Variants in KIF1A observed in about 807,000 individuals in gnomAD.
KIF1A encodes kinesin family member 1A, also known as kinesin-like protein KIF1A.
Under a neutral mutation model 227.3 loss-of-function variants are expected in KIF1A, and 46 were observed. That is an observed-to-expected ratio of 0.20 (90% confidence interval 0.16 to 0.26). The LOEUF (loss-of-function observed/expected upper bound fraction) is 0.26, where lower values mean the gene tolerates loss of function less well. Among genes scored for constraint, KIF1A ranks in the 10% least tolerant of loss-of-function variants. The pLI, the probability that KIF1A is intolerant of heterozygous loss-of-function variation, is 1.00. For missense variants in KIF1A, 1,683 were observed against 2,485.9 expected, an observed-to-expected ratio of 0.68 and a Z score of 6.87; for synonymous variants, 1,022 against 1,012.8, an observed-to-expected ratio of 1.01 and a Z score of -0.17.
rs2055228834 is a variant in KIF1A, at chr2:240,788,519, A to C, written c.184-289T>G. On this transcript the variant is annotated intron_variant, in intron 3 of 48. Coordinates refer to ENST00000498729, the MANE Select transcript of KIF1A (RefSeq NM_001244008.2). The surrounding 1 kb of genome is among the most constrained non-coding windows in gnomAD (Gnocchi z 6.6). The stretch of plus-strand genomic sequence containing the variant: ...GCCCAGAGGTGAGACCTCAAAGCCA[A>C]AGTAAGTTCCATGTGACCGTGACAA... Among the ~76,000 whole-genome samples the C allele has an allele frequency of 6.6e-6, 1 of 152,132 alleles. No individual in the cohort carries two copies. Among genetic ancestry groups the C allele is most frequent in the Non-Finnish European group, 1.5e-5 (1 of 68,024 alleles).
intron 19 of KIF1A, among the ~76,000 whole-genome samples, 181 bp from the exon 20 acceptor site, chr2:240,765,974 C>T (rs569715050): frequency 6.6e-6 from 1 of 152,236 alleles, no homozygotes; most frequent in Non-Finnish European, 1.5e-5. Context: ...AGGGGTCTCA[C>T]CCCACTTAAC....
rs1490700891 is a variant in KIF1A, at chr2:240,736,810, C to T, written c.4007+253G>A. ...CTCAGCTCATCTTCCAACCCCTGCG[C>T]TGGCCCCTCTGCTTGGTGATAAACA... is the stretch of plus-strand genomic sequence containing the variant. On this transcript the variant is annotated intron_variant, in intron 38 of 48. Transcript: ENST00000498729. The surrounding 1 kb of genome is among the most constrained non-coding windows in gnomAD (Gnocchi z 4.7). Among the ~76,000 whole-genome samples, 1 of 152,230 alleles carries T rather than the reference C, an allele frequency of 6.6e-6. No homozygotes were observed.
Position 240,771,030 on chromosome 2 carries a change from T to C in KIF1A, c.1282A>G (p.Ser428Gly). ...GCAAACAAGATGCGCTCGTGGAGGC[T>C]GGACACGGAGGCCGCGCGGCTGGAC... Reference protein sequence around the residue: ...ALSSRAASVSSLHERILFAPG... With the variant: ...ALSSRAASVSGLHERILFAPG... Residue 428 changes from serine to glycine, a missense_variant, in exon 15 of 49, where the codon AGC becomes GGC. Around this residue, in one of 12 missense-constraint regions of KIF1A, gnomAD observed 110 missense variants for 133.1 expected, o/e 0.83. Transcript: ENST00000498729. 6.2e-7 allele frequency: 1 copy of C among 1,613,164 alleles called. No individual in the cohort carries two copies. The highest frequency in any genetic ancestry group is 8.5e-7 in the Non-Finnish European group (1 of 1,179,792).
chr2:240,774,921 T>C (rs1220986316), intron 11 of KIF1A, among the ~76,000 whole-genome samples: 1 of 152,152 alleles, frequency 6.6e-6, no homozygotes, highest in Non-Finnish European at 1.5e-5. Flanking sequence ...CCCCAGGGCA[T>C]GGGTCCCCAG....
intron 17 of KIF1A, among the ~76,000 whole-genome samples, chr2:240,768,584 C>A (rs1304510508): frequency 6.6e-6 from 1 of 152,028 alleles, no homozygotes; most frequent in African/African-American, 2.4e-5. Flanking sequence ...TGTGCCATGC[C>A]CCACCTGGGC....
chr2:240,771,043 C>T lies in KIF1A; in HGVS notation c.1269G>A (p.Ala423=), dbSNP rs530550994. ...SSSLSALSSR[A]ASVSSLHERI... ...GCTCGTGGAGGCTGGACACGGAGGC[C>T]GCGCGGCTGGACAGGGCTGAGAGCG... Residue 423 remains alanine (A), a synonymous_variant, in exon 15 of 49, where the codon GCG becomes GCA. Coordinates refer to ENST00000498729, the MANE Select transcript of KIF1A (RefSeq NM_001244008.2). 1.2e-5 allele frequency: 19 copies of T among 1,613,288 alleles called. No homozygotes were observed. The highest frequency in any genetic ancestry group is 6.6e-5 in the South Asian group (6 of 91,072).
chr2:240,729,626 C>T (rs1375612373), intron 38 of KIF1A, among the ~76,000 whole-genome samples: 2 of 152,264 alleles, frequency 1.3e-5, no homozygotes, highest in African/African-American at 4.8e-5. Flanking sequence ...GTAAGTAGAA[C>T]ATGAACCCAC....
At position 240,766,948 on chromosome 2, in the gene KIF1A, C is replaced by G. The variant is rs373891682; in HGVS notation, c.1651G>C (p.Val551Leu). The change falls in exon 19 of 49, where the codon GTC becomes CTC. Residue 551 changes from valine to leucine, a missense_variant. By Grantham distance (32) the Val-to-Leu change is conservative (BLOSUM62 1). Transcript: ENST00000498729. The surrounding 1 kb of genome is among the most constrained non-coding windows in gnomAD (Gnocchi z 5.0). ...SGHFIKEEHC[V>L]FRSDSRGGSE... ...CCTCCCCTGGAGTCGCTCCGGAAGA[C>G]GCAGTGCTCCTCCTTGATGAAGTGC... 1 of 1,611,964 alleles carries G rather than the reference C, an allele frequency of 6.2e-7. No individual in the cohort carries two copies. Among genetic ancestry groups the G allele is most frequent in the East Asian group, 2.2e-5 (1 of 44,846 alleles).
chr2:240,745,335 G>A, intron 32 of KIF1A, 92 bp downstream of exon 32: 1 of 1,003,734 alleles, frequency 1.0e-6, no homozygotes, highest in Non-Finnish European at 1.6e-6. Flanking sequence ...GCCCACAACT[G>A]GTGTTCAGAA....
At chr2:240,769,297 T>C in intron 16 of KIF1A, 89 bp from the exon 17 acceptor site, 2 of 1,200,988 alleles carry the variant, frequency 1.7e-6, no homozygotes, top group Non-Finnish European at 1.2e-6. Context: ...GCAGCGGGCC[T>C]GTGGCCACCG....
At chr2:240,772,732 A>G (rs981547380) in intron 13 of KIF1A, 136 bp from the exon 14 acceptor site, 88 of 706,290 alleles carry the variant, frequency 1.2e-4, no homozygotes, top group Non-Finnish European at 1.9e-4. Flanking sequence ...AGGGTGGTGA[A>G]GGTCTTCAGC....
In KIF1A at chr2:240,773,153, C is replaced by A. The variant is rs1263716240; in HGVS notation, c.1141G>T (p.Asp381Tyr). ...ELKDEVTRLR[D>Y]LLYAQGLGDI... ...CCAAGACCCTGGGCGTACAGAAGGT[C>A]CCGCAGCCGGGTCACCTCATCCTTC... Residue 381 changes from aspartate (D) to tyrosine (Y), a missense_variant, in exon 13 of 49, where the codon GAC becomes TAC. Coordinates refer to ENST00000498729, the MANE Select transcript of KIF1A (RefSeq NM_001244008.2). The A allele has an allele frequency of 6.2e-7, 1 of 1,613,904 alleles. No homozygotes were observed.
chr2:240,790,129 G>A lies in KIF1A; in HGVS notation c.107-817C>T, dbSNP rs560218078. ...CCCCAGCATTTCCCAGGCCCTGGAC[G>A]GGCCTGGACCCTGCAGACTGCATGT... On this transcript the variant is annotated intron_variant, in intron 2 of 48. Transcript: ENST00000498729. This position sits in a 1 kb window ranked among gnomAD's most constrained non-coding sequence, Gnocchi z 5.0. Among the ~76,000 whole-genome samples the A allele has an allele frequency of 7.6e-4, 116 of 152,262 alleles. No individual in the cohort carries two copies. The highest frequency in any genetic ancestry group is 2.6e-3 in the African/African-American group (110 of 41,566).
chr2:240,801,009 T>C (rs1425384334), intron 1 of KIF1A, among the ~76,000 whole-genome samples: 1 of 152,170 alleles, frequency 6.6e-6, no homozygotes, highest in African/African-American at 2.4e-5. Flanking sequence ...TTTATTTTTA[T>C]TTTTATTTTT....
chr2:240,717,415 GA>G lies in KIF1A; in HGVS notation c.5334-10del, dbSNP rs2044687453. The G allele has an allele frequency of 6.2e-7, 1 of 1,610,650 alleles. No homozygotes were observed. ...TTCTGGAGAGCTTGGACCTGCAGAA[GA>G]GTTGGGAGAGGCGGCGTGGTCAGGC... On this transcript the variant is annotated splice_polypyrimidine_tract_variant and intron_variant, in intron 48 of 48. Coordinates refer to ENST00000498729, the MANE Select transcript of KIF1A (RefSeq NM_001244008.2).
At position 240,778,535 on chromosome 2, in the gene KIF1A, C is replaced by CACACACACACACAT. The variant is rs1404093478; in HGVS notation, c.883-2610_883-2609insATGTGTGTGTGTGT. On this transcript the variant is annotated intron_variant, in intron 10 of 48. Transcript: ENST00000498729. The surrounding 1 kb of genome is among the most constrained non-coding windows in gnomAD (Gnocchi z 7.2). ...TTACACACACACACACACACACACA[C>CACACACACACACAT]ACACACACAGGCTTCTCAGTGTCCC... is the stretch of plus-strand genomic sequence containing the variant. Among the ~76,000 whole-genome samples, 1 of 151,490 alleles carries CACACACACACACAT rather than the reference C, an allele frequency of 6.6e-6. No individual in the cohort carries two copies. Among genetic ancestry groups the CACACACACACACAT allele is most frequent in the Non-Finnish European group, 1.5e-5 (1 of 67,874 alleles).
At position 240,766,770 on chromosome 2, in the gene KIF1A, C is replaced by CACACAG. The variant is rs2051257313; in HGVS notation, c.1684+144_1684+145insCTGTGT. 1.6e-6 allele frequency: 1 copy of CACACAG among 615,610 alleles called. No individual in the cohort carries two copies. Among genetic ancestry groups the CACACAG allele is most frequent in the Non-Finnish European group, 2.9e-6 (1 of 339,972 alleles). 38.1% of individuals were successfully genotyped at this position (615,610 alleles called of 1,614,324 possible). A position where few individuals can be genotyped will look rare whatever the true frequency, so the allele number is the denominator to read the frequency against. On this transcript the variant is annotated intron_variant, in intron 19 of 48. Coordinates refer to ENST00000498729, the MANE Select transcript of KIF1A (RefSeq NM_001244008.2). The surrounding 1 kb of genome is among the most constrained non-coding windows in gnomAD (Gnocchi z 5.0). ...TCTCTCACACACACACACACACACA[C>CACACAG]ACACACACACACACACGTCCTGCCT...
intron 6 of KIF1A, among the ~76,000 whole-genome samples, chr2:240,785,736 C>A (rs2054657486): frequency 6.6e-6 from 1 of 152,234 alleles, no homozygotes; most frequent in African/African-American, 2.4e-5. Flanking sequence ...ACAGCACCCC[C>A]ACCCACCAGC....
intron 31 of KIF1A, 43 bp from the exon 32 acceptor site, chr2:240,745,560 G>T: frequency 1.3e-6 from 2 of 1,549,618 alleles, no homozygotes; most frequent in African/African-American, 1.4e-5. Context: ...TGGGGGACTT[G>T]GGATGAGACC....
Sources: gnomAD v4.1 joint callset for allele counts (sites outside exome capture counted in the v4.1 genomes callset) on GRCh38, gnomAD v4.1.1 for gene constraint, gnomAD v4.1.1 regional missense constraint, Gnocchi (gnomAD v3.1) non-coding constraint, MANE v1.5 for transcripts, NCBI Gene and HGNC (gene_info 2026-07-23, HGNC 2026-07-21) for gene names.